Variants in SLC8A1 observed in about 807,000 individuals in gnomAD.
SLC8A1 encodes the protein sodium/calcium exchanger 1.
SLC8A1 carries 18 observed loss-of-function variants against 68.3 expected under a neutral mutation model. The ratio of observed to expected loss-of-function variants is 0.26; its 90% CI spans 0.18 to 0.39. The LOEUF is 0.39. Ranked by LOEUF, SLC8A1 falls within the 10% of genes least tolerant of loss-of-function variation. The probability of loss-of-function intolerance (pLI) is 1.00; values close to 1 mark genes in which losing one functional copy is unlikely to be tolerated. For missense variants in SLC8A1, 985 were observed against 1,156.7 expected (o/e 0.85, Z 2.15); for synonymous variants, 475 against 415.5 (o/e 1.14, Z -1.74).
At chr2:40,377,209 A>G (rs771567415) in intron 2 of SLC8A1, among the ~76,000 whole-genome samples, 14 of 152,030 alleles carry the variant, frequency 9.2e-5, no homozygotes, top group Non-Finnish European at 2.1e-4. Context: ...GAAAGAAGAA[A>G]CTCAAAGACA....
chr2:40,101,044 A>C (rs1381528198), exon 8 of SLC8A1: 1 of 152,188 alleles, frequency 6.6e-6, no homozygotes, highest in Non-Finnish European at 1.5e-5. Flanking sequence ...TTTTCAGGTT[A>C]GAATTCAGGA....
chr2:40,400,673 G>T (rs1181025143), intron 2 of SLC8A1, among the ~76,000 whole-genome samples: 1 of 152,100 alleles, frequency 6.6e-6, no homozygotes, highest in Non-Finnish European at 1.5e-5. Context: ...TCCTTCAGAG[G>T]GAAAATGAGG....
At chr2:40,420,272 T>C (rs1007172741) in intron 2 of SLC8A1, among the ~76,000 whole-genome samples, 5 of 152,044 alleles carry the variant, frequency 3.3e-5, no homozygotes, top group African/African-American at 1.2e-4. Context: ...GAATATGTTT[T>C]AACCTCTTTT....
chr2:40,212,661 T>G (rs1307226256), intron 2 of SLC8A1, among the ~76,000 whole-genome samples: 2 of 152,206 alleles, frequency 1.3e-5, no homozygotes, highest in African/African-American at 4.8e-5. Flanking sequence ...CTGAAGGCAT[T>G]AGGAGCACCT....
intron 1 of SLC8A1, among the ~76,000 whole-genome samples, chr2:40,443,677 G>C (rs1456583359): frequency 6.6e-6 from 1 of 152,152 alleles, no homozygotes; most frequent in Non-Finnish European, 1.5e-5. Context: ...AAGGTTCACT[G>C]GTCTAGGGAC....
At chr2:40,501,062 G>A (rs1173385371) in intron 1 of SLC8A1, among the ~76,000 whole-genome samples, 1 of 151,764 alleles carries the variant, frequency 6.6e-6, no homozygotes, top group Non-Finnish European at 1.5e-5. Context: ...AACATATCAA[G>A]TTGTTCCTAC....
At chr2:40,406,026 A>C (rs545160638) in intron 2 of SLC8A1, among the ~76,000 whole-genome samples, 3 of 152,310 alleles carry the variant, frequency 2.0e-5, no homozygotes, top group Non-Finnish European at 2.9e-5. Flanking sequence ...CTATACATAC[A>C]ACATCCTCTT....
At chr2:40,267,361 A>C (rs1482177771) in intron 2 of SLC8A1, among the ~76,000 whole-genome samples, 1 of 152,198 alleles carries the variant, frequency 6.6e-6, no homozygotes, top group Non-Finnish European at 1.5e-5. Flanking sequence ...CTTAGTGAGT[A>C]AGCTTGTAAC....
exon 8 of SLC8A1, chr2:40,100,752 C>G (rs10183831): frequency 0.74 from 112,596 of 151,996 alleles, 43,390 homozygotes; most frequent in Non-Finnish European, 0.85. Flanking sequence ...AATGGACACT[C>G]AAATGCTGAA....
chr2:40,263,250 T>C (rs1250627796), intron 2 of SLC8A1, among the ~76,000 whole-genome samples: 2 of 152,230 alleles, frequency 1.3e-5, no homozygotes, highest in South Asian at 4.1e-4. Context: ...GGCCAACTTG[T>C]AGAGTTGTTG....
At chr2:40,198,937 G>GA (rs71404283) in intron 2 of SLC8A1, among the ~76,000 whole-genome samples, 69,947 of 143,290 alleles carry the variant, frequency 0.49, 18,102 homozygotes, top group Non-Finnish European at 0.61. Flanking sequence ...CTAATTTAAG[G>GA]AAAAAAAAAA....
chr2:40,472,463 A>G (rs1006042373), intron 1 of SLC8A1, among the ~76,000 whole-genome samples: 13 of 152,204 alleles, frequency 8.5e-5, no homozygotes, highest in African/African-American at 3.1e-4. Context: ...ATCTGTTGTC[A>G]CTGCACACTC....
At chr2:40,153,490 C>G (rs1439086670) in intron 6 of SLC8A1, among the ~76,000 whole-genome samples, 1 of 152,154 alleles carries the variant, frequency 6.6e-6, no homozygotes, top group Non-Finnish European at 1.5e-5. Context: ...AATCTTTTAA[C>G]TCTACACTGA....
intron 2 of SLC8A1, among the ~76,000 whole-genome samples, chr2:40,324,179 G>C (rs185154279): frequency 2.6e-5 from 4 of 151,964 alleles, no homozygotes; most frequent in Admixed American, 1.3e-4. Flanking sequence ...AATATGATGA[G>C]GTAAAAGGAA....
intron 2 of SLC8A1, among the ~76,000 whole-genome samples, chr2:40,256,387 G>A (rs2063925704): frequency 6.6e-6 from 1 of 152,126 alleles, no homozygotes; most frequent in Admixed American, 6.5e-5. Flanking sequence ...ATTCAAGAAT[G>A]TATGATCATT....
intron 6 of SLC8A1, among the ~76,000 whole-genome samples, chr2:40,154,905 G>A (rs894031050): frequency 1.4e-4 from 22 of 152,020 alleles, no homozygotes; most frequent in Non-Finnish European, 1.9e-4. Flanking sequence ...GCTCAAGTGA[G>A]AAACTTTCTT....
At chr2:40,217,485 G>A (rs984236648) in intron 2 of SLC8A1, among the ~76,000 whole-genome samples, 3 of 152,056 alleles carry the variant, frequency 2.0e-5, no homozygotes, top group Non-Finnish European at 2.9e-5. Flanking sequence ...CCTTTGTCCT[G>A]TATAGTTTCT....
chr2:40,270,483 A>G (rs1334033390), intron 2 of SLC8A1, among the ~76,000 whole-genome samples: 1 of 152,178 alleles, frequency 6.6e-6, no homozygotes, highest in East Asian at 1.9e-4. Flanking sequence ...TCCACCTTCT[A>G]CAGATCACCT....
chr2:40,415,859 T>TACATAC (rs1693670622), intron 2 of SLC8A1, among the ~76,000 whole-genome samples: 1 of 113,536 alleles, frequency 8.8e-6, no homozygotes, highest in African/African-American at 3.4e-5. Context: ...ACTAAAAGTA[T>TACATAC]ACACACACAC....
Sources: allele counts gnomAD v4.1 joint callset (sites outside exome capture counted in the v4.1 genomes callset), GRCh38; gene constraint gnomAD v4.1.1; transcripts MANE v1.5; gene names NCBI Gene and HGNC (gene_info 2026-07-23, HGNC 2026-07-21).